The following MACROD2 variants were observed in gnomAD, a reference collection of about 807,000 sequenced individuals.
MACROD2 encodes ADP-ribose glycohydrolase MACROD2.
In MACROD2, 36 loss-of-function variants were observed where a neutral mutation model predicts 70.4. That is an observed-to-expected ratio of 0.51 (90% CI 0.39 to 0.68). The LOEUF is 0.68. Among genes scored for constraint, MACROD2 ranks in the 30% least tolerant of loss-of-function variants. The pLI, the probability that MACROD2 is intolerant of heterozygous loss-of-function variation, is 0.00. For missense variants in MACROD2, 496 were observed against 538.4 expected (o/e 0.92, Z 0.78); for synonymous variants, 172 against 178.8 (o/e 0.96, Z 0.30).
intron 4 of MACROD2, among the ~76,000 whole-genome samples, chr20:14,675,747 G>A (rs988154188): frequency 9.2e-5 from 14 of 151,988 alleles, no homozygotes; most frequent in Admixed American, 9.2e-4. Flanking sequence ...CCAATTAAAA[G>A]ACACAGGCAA....
At chr20:15,562,630 A>G (rs1372316190) in intron 8 of MACROD2, among the ~76,000 whole-genome samples, 3 of 152,256 alleles carry the variant, frequency 2.0e-5, no homozygotes, top group Admixed American at 1.3e-4. Context: ...AAGCAGCAGC[A>G]GCAGCAAACT....
intron 4 of MACROD2, among the ~76,000 whole-genome samples, chr20:14,539,690 C>T (rs2085407231): frequency 6.6e-6 from 1 of 152,276 alleles, no homozygotes; most frequent in African/African-American, 2.4e-5. Flanking sequence ...ACGTATGTGC[C>T]ATAAATCCTC....
chr20:15,490,887 C>T (rs571730075), intron 7 of MACROD2, among the ~76,000 whole-genome samples: 2 of 152,130 alleles, frequency 1.3e-5, no homozygotes, highest in South Asian at 4.1e-4. Flanking sequence ...CAACTTCTGT[C>T]CCAACACTCA....
intron 5 of MACROD2, among the ~76,000 whole-genome samples, chr20:14,734,907 A>T (rs187265694): frequency 6.6e-6 from 1 of 152,172 alleles, no homozygotes; most frequent in African/African-American, 2.4e-5. Context: ...ATCTTCAACA[A>T]ATAGTACTGG....
At chr20:14,670,414 G>A (rs1409041592) in intron 4 of MACROD2, among the ~76,000 whole-genome samples, 1 of 152,134 alleles carries the variant, frequency 6.6e-6, no homozygotes, top group African/African-American at 2.4e-5. Flanking sequence ...GGTTTTTCCA[G>A]CTGCCATTTC....
chr20:14,227,259 A>G (rs1489093283), intron 3 of MACROD2, among the ~76,000 whole-genome samples: 1 of 152,084 alleles, frequency 6.6e-6, no homozygotes, highest in African/African-American at 2.4e-5. Context: ...CAGATAAGAG[A>G]ATAAAAGCAG....
intron 5 of MACROD2, among the ~76,000 whole-genome samples, chr20:15,089,586 T>C (rs2075777878): frequency 6.6e-6 from 1 of 152,110 alleles, no homozygotes; most frequent in African/African-American, 2.4e-5. Flanking sequence ...TTTATGCCCA[T>C]GGCCCAAAGC....
chr20:15,907,407 G>C (rs760062522), intron 10 of MACROD2, among the ~76,000 whole-genome samples: 1 of 152,144 alleles, frequency 6.6e-6, no homozygotes, highest in Non-Finnish European at 1.5e-5. Context: ...GTTAAGTTTG[G>C]CAGAGTACAG....
intron 3 of MACROD2, among the ~76,000 whole-genome samples, chr20:14,233,152 A>G (rs1283711602): frequency 2.0e-5 from 3 of 152,202 alleles, no homozygotes; most frequent in Admixed American, 1.3e-4. Flanking sequence ...CAGTTATAAC[A>G]TCAAAGATCA....
intron 8 of MACROD2, among the ~76,000 whole-genome samples, chr20:15,733,814 C>A (rs535866406): frequency 1.6e-4 from 24 of 152,240 alleles, no homozygotes; most frequent in African/African-American, 4.8e-4. Flanking sequence ...GTATTTTTGC[C>A]TTATTTCCTC....
At chr20:14,535,037 G>A (rs1014504641) in intron 4 of MACROD2, among the ~76,000 whole-genome samples, 6 of 152,170 alleles carry the variant, frequency 3.9e-5, no homozygotes, top group African/African-American at 7.2e-5. Context: ...CATAAAAAAC[G>A]ATAGAATGAC....
In MACROD2 at chr20:15,238,301, T is replaced by C. The variant is rs556896875; in HGVS notation, c.540+8240T>C. Reference sequence around the variant, plus strand: ...GTGACTGGCCTTATATCCTATAGAATACATGGTCTTATGAAAGTGAATGTA... The same window carrying C: ...GTGACTGGCCTTATATCCTATAGAACACATGGTCTTATGAAAGTGAATGTA... On this transcript the variant is annotated intron_variant, in intron 6 of 17. Transcript: ENST00000684519. Among the ~76,000 whole-genome samples the C allele has an allele frequency of 3.3e-5, 5 of 152,300 alleles. No individual in the cohort carries two copies. The South Asian group carries it at 1.0e-3, about 32-fold the overall frequency.
At chr20:15,981,340 C>T (rs1173651795) in intron 13 of MACROD2, among the ~76,000 whole-genome samples, 3 of 152,132 alleles carry the variant, frequency 2.0e-5, no homozygotes, top group African/African-American at 4.8e-5. Context: ...ACAGTTTTTG[C>T]TTTAGACAAC....
At chr20:15,693,236 A>T (rs1004945257) in intron 8 of MACROD2, among the ~76,000 whole-genome samples, 3 of 152,358 alleles carry the variant, frequency 2.0e-5, no homozygotes, top group East Asian at 3.9e-4. Flanking sequence ...TCAGAAATAC[A>T]TAATGACAAT....
intron 3 of MACROD2, among the ~76,000 whole-genome samples, chr20:14,265,436 C>G (rs543587016): frequency 6.6e-6 from 1 of 152,230 alleles, no homozygotes; most frequent in African/African-American, 2.4e-5. Flanking sequence ...TAATGACCAT[C>G]ATGTGGCTGA....
intron 5 of MACROD2, among the ~76,000 whole-genome samples, chr20:14,825,443 A>T (rs1259336356): frequency 6.6e-6 from 1 of 152,138 alleles, no homozygotes; most frequent in Non-Finnish European, 1.5e-5. Context: ...CAAGGGCATT[A>T]AAATATGCTA....
intron 5 of MACROD2, among the ~76,000 whole-genome samples, chr20:14,931,230 G>A (rs954210651): frequency 4.6e-5 from 7 of 152,276 alleles, no homozygotes; most frequent in African/African-American, 1.7e-4. Flanking sequence ...GCCAGTGAAT[G>A]AGACATAGGG....
At chr20:14,747,715 T>C (rs1436543468) in intron 5 of MACROD2, among the ~76,000 whole-genome samples, 1 of 152,000 alleles carries the variant, frequency 6.6e-6, no homozygotes, top group African/African-American at 2.4e-5. Context: ...ATTAGAGTGG[T>C]ATGATAGAGG....
chr20:14,245,771 C>T (rs1434746715), intron 3 of MACROD2, among the ~76,000 whole-genome samples: 1 of 152,106 alleles, frequency 6.6e-6, no homozygotes, highest in African/African-American at 2.4e-5. Context: ...TTCCCATTGC[C>T]ATCACCTCTA....
Sources: gnomAD v4.1 joint callset for allele counts (sites outside exome capture counted in the v4.1 genomes callset) on GRCh38, gnomAD v4.1.1 for gene constraint, MANE v1.5 for transcripts, NCBI Gene and HGNC (gene_info 2026-07-23, HGNC 2026-07-21) for gene names.